The following PPP2R2D variants were observed in gnomAD, a reference collection of about 807,000 sequenced individuals.
PPP2R2D encodes serine/threonine-protein phosphatase 2A 55 kDa regulatory subunit B delta isoform.
Under a neutral mutation model 31.1 loss-of-function variants are expected in PPP2R2D, and 9 were observed. The observed-to-expected ratio is 0.29, with a 90% CI of 0.17 to 0.51. The LOEUF (loss-of-function observed/expected upper bound fraction) is 0.51. PPP2R2D is among the 20% of genes least tolerant of loss of function. The pLI is 0.98. For synonymous variants in PPP2R2D, 179 were observed against 172.6 expected (o/e 1.04, Z -0.29); for missense variants, 391 against 465.6 (o/e 0.84, Z 1.48).
At position 131,955,972 on chromosome 10, in the gene PPP2R2D, A is replaced by C. The variant is rs1554899893; in HGVS notation, c.*9A>C. The C allele has an allele frequency of 6.7e-7, 1 of 1,488,662 alleles. No homozygotes were observed. The highest frequency in any genetic ancestry group is 9.0e-7 in the Non-Finnish European group (1 of 1,109,802). 92.2% of individuals were successfully genotyped at this position (1,488,662 alleles called of 1,614,324 possible). ...AGGACAAAATCAACTAGAGACGCGA[A>C]CGTGAGGACCAAGTCTTGTCTTGCA... On this transcript the variant is annotated 3_prime_UTR_variant, in exon 9 of 9. Coordinates refer to ENST00000455566, the MANE Select transcript of PPP2R2D (RefSeq NM_018461.5).
intron 3 of PPP2R2D, among the ~76,000 whole-genome samples, chr10:131,936,579 TA>T (rs1462628510): frequency 1.3e-5 from 2 of 152,266 alleles, no homozygotes; most frequent in African/African-American, 4.8e-5. Context: ...TAACAGATTT[TA>T]GGTTAGAAAA....
At chr10:131,929,517 C>T (rs1342037939) in intron 2 of PPP2R2D, among the ~76,000 whole-genome samples, 1 of 152,176 alleles carries the variant, frequency 6.6e-6, no homozygotes, top group African/African-American at 2.4e-5. Flanking sequence ...CAAGACTCGT[C>T]ACTCTTCTCT....
chr10:131,904,199 G>T (rs2035545929), intron 2 of PPP2R2D, among the ~76,000 whole-genome samples: 1 of 74,904 alleles, frequency 1.3e-5, no homozygotes, highest in African/African-American at 5.9e-5. Flanking sequence ...GCGAGACTCC[G>T]TCTCAAAAAA....
chr10:131,927,633 G>T (rs979586439), intron 2 of PPP2R2D, among the ~76,000 whole-genome samples: 2 of 152,124 alleles, frequency 1.3e-5, no homozygotes, highest in African/African-American at 4.8e-5. Context: ...TTGCCAGGAC[G>T]CCAGGCCCTC....
downstream of PPP2R2D, among the ~76,000 whole-genome samples, chr10:131,961,215 C>T (rs1465625159): frequency 6.6e-6 from 1 of 152,226 alleles, no homozygotes; most frequent in Non-Finnish European, 1.5e-5. Context: ...GCCCCGCGCT[C>T]TTCCCTTGGG....
At position 131,916,980 on chromosome 10, in the gene PPP2R2D, G is replaced by A. The variant is rs1424024727; in HGVS notation, c.100+15650G>A. ...CCTCAGGTGGGTGGAATGACACAGT[G>A]TAGGGACCTCAGGTGGGTGGAATGA... On this transcript the variant is annotated intron_variant, in intron 2 of 8. Coordinates refer to ENST00000455566, the MANE Select transcript of PPP2R2D (RefSeq NM_018461.5). Among the ~76,000 whole-genome samples the A allele has an allele frequency of 4.0e-5, 6 of 149,194 alleles. No homozygotes were observed. The East Asian group carries it at 8.0e-4, about 20-fold the overall frequency.
chr10:131,917,433 G>A (rs1175919097), intron 2 of PPP2R2D, among the ~76,000 whole-genome samples: 8 of 136,422 alleles, frequency 5.9e-5, no homozygotes, highest in Non-Finnish European at 1.2e-4. Context: ...GACCTCAGTC[G>A]GGTGGAATGA....
chr10:131,916,243 C>A (rs1032168083), intron 2 of PPP2R2D, among the ~76,000 whole-genome samples: 40 of 151,838 alleles, frequency 2.6e-4, no homozygotes, highest in Non-Finnish European at 5.1e-4. Context: ...GAGTTCGCAT[C>A]TATATGTCAG....
chr10:131,955,123 C>T (rs2036770006), intron 8 of PPP2R2D, among the ~76,000 whole-genome samples: 2 of 152,266 alleles, frequency 1.3e-5, no homozygotes, highest in South Asian at 2.1e-4. Flanking sequence ...AAAGCATGGA[C>T]GGTATTGTAT....
rs144057718 is a variant in PPP2R2D, at chr10:131,946,555, T to A, written c.821-975T>A. ...GAATTCGTATTTCTACTAGAATTCC[T>A]GCGATGAGGATGAGTGTTTCGTAGC... is the stretch of plus-strand genomic sequence containing the variant. On this transcript the variant is annotated intron_variant, in intron 7 of 8. Transcript: ENST00000455566. Among the ~76,000 whole-genome samples, 73 of 152,368 alleles carry A rather than the reference T, an allele frequency of 4.8e-4. 2 individuals carry two copies. The highest frequency in any genetic ancestry group is 1.6e-3 in the African/African-American group (65 of 41,588).
chr10:131,965,950 C>G, the PPP2R2D span, among the ~76,000 whole-genome samples: 19 of 152,236 alleles, frequency 1.2e-4, no homozygotes, highest in Admixed American at 3.9e-4. Flanking sequence ...TCTCTCGAGT[C>G]TCTATGCGTG....
chr10:131,923,324 C>T (rs1554894488), intron 2 of PPP2R2D, among the ~76,000 whole-genome samples: 2 of 152,130 alleles, frequency 1.3e-5, no homozygotes, highest in Admixed American at 6.6e-5. Context: ...TCCCTCCTTT[C>T]CTGGTCAAAC....
Position 131,947,555 on chromosome 10 carries a change from C to T in PPP2R2D, c.846C>T (p.Ser282=). ...TTTTTGAAGAGCCTGAAGATCCCAG[C>T]AGTAGGTCCTTCTTCTCAGAAATAA... ...SKFFEEPEDP[S]SRSFFSEIIS... The change falls in exon 8 of 9, where the codon AGC becomes AGT. Residue 282 remains serine, a synonymous_variant. Coordinates refer to ENST00000455566, the MANE Select transcript of PPP2R2D (RefSeq NM_018461.5). The surrounding 1 kb of genome is among the most constrained non-coding windows in gnomAD (Gnocchi z 4.3). 6.2e-7 allele frequency: 1 copy of T among 1,614,116 alleles called. No individual in the cohort carries two copies.
intron 3 of PPP2R2D, among the ~76,000 whole-genome samples, chr10:131,937,778 C>A (rs1023269417): frequency 7.2e-5 from 11 of 152,190 alleles, no homozygotes; most frequent in African/African-American, 2.7e-4. Flanking sequence ...ACAGATTTTT[C>A]TTTTTAAATA....
intron 8 of PPP2R2D, among the ~76,000 whole-genome samples, chr10:131,952,009 TAGC>T (rs1388919782): frequency 6.0e-5 from 9 of 150,732 alleles, no homozygotes; most frequent in African/African-American, 9.8e-5. Flanking sequence ...GTCACTCTCT[TAGC>T]AGTGACTTGC....
Position 131,956,205 on chromosome 10 carries a change from C to G in PPP2R2D, c.*242C>G. ...GAAGCAGAGTTGACGGACACTGCTCCCAAAAGGTCATTACTCAGAATAAAT... is the reference window on the plus strand; with the variant it reads ...GAAGCAGAGTTGACGGACACTGCTCGCAAAAGGTCATTACTCAGAATAAAT... On this transcript the variant is annotated 3_prime_UTR_variant, in exon 9 of 9. Coordinates refer to ENST00000455566, the MANE Select transcript of PPP2R2D (RefSeq NM_018461.5). The G allele has an allele frequency of 8.3e-7, 1 of 1,207,096 alleles. No homozygotes were observed. Among genetic ancestry groups the G allele is most frequent in the South Asian group, 4.2e-5 (1 of 23,670 alleles). The allele number at this position is 1,207,096 out of a possible 1,614,324, so 74.8% of individuals were successfully genotyped here.
At chr10:131,913,694 G>A (rs2035722277) in intron 2 of PPP2R2D, among the ~76,000 whole-genome samples, 1 of 152,190 alleles carries the variant, frequency 6.6e-6, no homozygotes, top group Non-Finnish European at 1.5e-5. Context: ...CACTTACCAA[G>A]CCCAGGTGGT....
intron 2 of PPP2R2D, among the ~76,000 whole-genome samples, chr10:131,911,164 A>G (rs2035676983): frequency 6.6e-6 from 1 of 152,200 alleles, no homozygotes; most frequent in African/African-American, 2.4e-5. Context: ...AGTGGGGGGC[A>G]GTCTTGTGGG....
At chr10:131,926,094 C>CAA (rs1468351942) in intron 2 of PPP2R2D, among the ~76,000 whole-genome samples, 2 of 152,178 alleles carry the variant, frequency 1.3e-5, no homozygotes, top group Non-Finnish European at 2.9e-5. Flanking sequence ...GGGACCTTTC[C>CAA]CTGTTTGCCT....
Sources: allele counts gnomAD v4.1 joint callset (sites outside exome capture counted in the v4.1 genomes callset), GRCh38; gene constraint gnomAD v4.1.1; non-coding constraint Gnocchi (gnomAD v3.1); transcripts MANE v1.5; gene names NCBI Gene and HGNC (gene_info 2026-07-23, HGNC 2026-07-21).